The following GNAL variants were observed in gnomAD, a reference collection of about 807,000 sequenced individuals.
The protein encoded by GNAL is G protein subunit alpha L, also known as guanine nucleotide-binding protein G(olf) subunit alpha.
In GNAL, 18 loss-of-function variants were observed where a neutral mutation model predicts 55.1. The observed-to-expected ratio is 0.33, with a 90% CI of 0.23 to 0.48. The LOEUF is 0.48. Ranked by LOEUF, GNAL falls within the 20% of genes least tolerant of loss-of-function variation. The pLI, the probability that GNAL is intolerant of heterozygous loss-of-function variation, is 0.99. For synonymous variants in GNAL, 253 were observed against 237.0 expected (o/e 1.07, Z -0.62); for missense variants, 412 against 614.1 (o/e 0.67, Z 3.48).
At chr18:11,809,814 T>C (rs935246108) in intron 4 of GNAL, among the ~76,000 whole-genome samples, 4 of 152,228 alleles carry the variant, frequency 2.6e-5, no homozygotes, top group Admixed American at 2.0e-4. Flanking sequence ...GAAGAAGTAT[T>C]TAAGATTATC....
rs1341321488 is a variant in GNAL, at chr18:11,751,787, CG to C, written c.377-1063del. On this transcript the variant is annotated intron_variant, in intron 1 of 11. Transcript: ENST00000334049. The surrounding 1 kb of genome is among the most constrained non-coding windows in gnomAD (Gnocchi z 4.5). ...CGCGGTAGCGCCTCTCCGAGAGCTC[CG>C]GGACCAGCGGCCCGGCCGCCCCCAA... The C allele has an allele frequency of 9.5e-6, 4 of 420,398 alleles. No individual in the cohort carries two copies. The highest frequency in any genetic ancestry group is 1.3e-4 in the Admixed American group (2 of 15,638). 26.0% of individuals were successfully genotyped at this position (420,398 alleles called of 1,614,324 possible).
chr18:11,866,284 T>C (rs2586214), intron 7 of GNAL, among the ~76,000 whole-genome samples: 36,271 of 149,964 alleles, frequency 0.24, 5,850 homozygotes, highest in African/African-American at 0.34. Context: ...TGTGCTAATG[T>C]AAAGCGTACG....
Position 11,850,838 on chromosome 18 carries a change from C to G in GNAL, c.723-11557C>G, listed in dbSNP as rs780564039. Among the ~76,000 whole-genome samples, 124 of 152,166 alleles carry G rather than the reference C, an allele frequency of 8.1e-4. 1 individual carries two copies. Among genetic ancestry groups the G allele is most frequent in the Non-Finnish European group, 1.6e-3 (107 of 68,052 alleles). On this transcript the variant is annotated intron_variant, in intron 5 of 11. Coordinates refer to ENST00000334049, the MANE Select transcript of GNAL (RefSeq NM_182978.4). ...CACAGTTTTGAAGATTATTTTCACT[C>G]AATGCAATAAAAGGATATTACAGAA...
rs545668640 is a variant in GNAL at position 11,700,993 on chromosome 18, C to G, written c.376+11054C>G. Among the ~76,000 whole-genome samples, 5 of 152,374 alleles carry G rather than the reference C, an allele frequency of 3.3e-5. No homozygotes were observed. The South Asian group carries it at 1.0e-3, about 32-fold the overall frequency. Reference sequence around the variant, plus strand: ...CATTTGCATCTCTCAGGAGCCCGCTCTGTGCCAGGTGCTTCTCTGGGTGAT... The same window carrying G: ...CATTTGCATCTCTCAGGAGCCCGCTGTGTGCCAGGTGCTTCTCTGGGTGAT... On this transcript the variant is annotated intron_variant, in intron 1 of 11. Coordinates refer to ENST00000334049, the MANE Select transcript of GNAL (RefSeq NM_182978.4).
At chr18:11,711,154 C>G (rs889171315) in intron 1 of GNAL, among the ~76,000 whole-genome samples, 5 of 152,176 alleles carry the variant, frequency 3.3e-5, no homozygotes, top group Non-Finnish European at 7.3e-5. Flanking sequence ...GGATTACAGG[C>G]GTGAGCCACC....
chr18:11,847,684 A>G (rs757061855), intron 5 of GNAL, among the ~76,000 whole-genome samples: 7 of 152,128 alleles, frequency 4.6e-5, no homozygotes, highest in African/African-American at 1.7e-4. Flanking sequence ...CAAGGTTTCA[A>G]TGTTAACGTG....
intron 4 of GNAL, among the ~76,000 whole-genome samples, chr18:11,812,829 T>C (rs974462594): frequency 6.6e-6 from 1 of 150,860 alleles, no homozygotes; most frequent in African/African-American, 2.4e-5. Context: ...GGTGACAGAG[T>C]GAGACTCCGT....
intron 10 of GNAL, among the ~76,000 whole-genome samples, chr18:11,873,578 C>A (rs575582097): frequency 3.3e-5 from 5 of 152,222 alleles, no homozygotes; most frequent in African/African-American, 4.8e-5. Flanking sequence ...GGTCACTCAG[C>A]GTGAGGTCAA....
chr18:11,869,112 G>A (rs1452387390), intron 9 of GNAL, among the ~76,000 whole-genome samples: 1 of 151,790 alleles, frequency 6.6e-6, no homozygotes. Flanking sequence ...CTATTGTATA[G>A]ATATACTTAA....
chr18:11,841,683 T>G (rs1404926478), intron 5 of GNAL, among the ~76,000 whole-genome samples: 1 of 151,132 alleles, frequency 6.6e-6, no homozygotes, highest in Non-Finnish European at 1.5e-5. Context: ...AAGAAATACC[T>G]GCTAGAATTC....
intron 4 of GNAL, among the ~76,000 whole-genome samples, chr18:11,807,523 T>TG (rs773569900): frequency 1.3e-5 from 2 of 152,086 alleles, no homozygotes; most frequent in Non-Finnish European, 2.9e-5. Flanking sequence ...AGCCGGGCCG[T>TG]GGGGGGAAAC....
intron 4 of GNAL, among the ~76,000 whole-genome samples, chr18:11,769,021 TATA>T (rs1568018675): frequency 3.4e-5 from 3 of 89,208 alleles, no homozygotes; most frequent in African/African-American, 8.5e-5. Context: ...TATTCTATAT[TATA>T]ATATATTATA....
rs144354420 is a variant in GNAL at position 11,805,996 on chromosome 18, C to T, written c.625-18922C>T. Among the ~76,000 whole-genome samples the T allele has an allele frequency of 9.1e-4, 138 of 152,308 alleles. 1 individual carries two copies. Among genetic ancestry groups the T allele is most frequent in the African/African-American group, 3.2e-3 (134 of 41,576 alleles). Reference sequence around the variant, plus strand: ...GTATAAGTGTCCCTTTTCTCTCCATCCTCCCCAGCATGTTATTTTTTTGTC... The same window carrying T: ...GTATAAGTGTCCCTTTTCTCTCCATTCTCCCCAGCATGTTATTTTTTTGTC... On this transcript the variant is annotated intron_variant, in intron 4 of 11. Transcript: ENST00000334049.
At chr18:11,864,341 C>T (rs551322070) in intron 6 of GNAL, among the ~76,000 whole-genome samples, 192 bp from the exon 7 acceptor site, 9 of 152,110 alleles carry the variant, frequency 5.9e-5, no homozygotes, top group Non-Finnish European at 8.8e-5. Context: ...GATCTGCCCA[C>T]CTCAGCCTCC....
intron 1 of GNAL, among the ~76,000 whole-genome samples, chr18:11,723,385 C>T (rs2032142610): frequency 1.3e-5 from 2 of 152,188 alleles, no homozygotes; most frequent in South Asian, 4.1e-4. Context: ...TCATTCTTAG[C>T]TCATACAAAA....
intron 4 of GNAL, among the ~76,000 whole-genome samples, chr18:11,788,912 A>ATATATAT (rs1485147640): frequency 1.5e-3 from 104 of 68,700 alleles, no homozygotes; most frequent in East Asian, 0.011. Context: ...AAAAAAAAAA[A>ATATATAT]AAATATATAT....
chr18:11,852,041 G>A (rs1485915465), intron 5 of GNAL: 2 of 1,613,616 alleles, frequency 1.2e-6, no homozygotes, highest in Admixed American at 3.3e-5. Flanking sequence ...GGCTCCGTGG[G>A]CACGAGCGTG....
At chr18:11,799,970 T>C (rs927144728) in intron 4 of GNAL, among the ~76,000 whole-genome samples, 1 of 152,096 alleles carries the variant, frequency 6.6e-6, no homozygotes, top group African/African-American at 2.4e-5. Context: ...TCCATTCCTT[T>C]TCCCTATTTT....
At chr18:11,691,445 G>A (rs1250847233) in intron 1 of GNAL, among the ~76,000 whole-genome samples, 1 of 150,444 alleles carries the variant, frequency 6.6e-6, no homozygotes, top group Non-Finnish European at 1.5e-5. Context: ...CTTTTGCTGT[G>A]CAGAAGCTCT....
Sources: allele counts gnomAD v4.1 joint callset (sites outside exome capture counted in the v4.1 genomes callset), GRCh38; gene constraint gnomAD v4.1.1; non-coding constraint Gnocchi (gnomAD v3.1); transcripts MANE v1.5; gene names NCBI Gene and HGNC (gene_info 2026-07-23, HGNC 2026-07-21).